CSMD1: variants seen among roughly 807,000 people sequenced by gnomAD.
CSMD1 encodes the protein CUB and sushi domain-containing protein 1.
A neutral mutation model predicts 417.5 loss-of-function variants in CSMD1; 213 were observed. The observed-to-expected ratio is 0.51, with a 90% CI of 0.46 to 0.57. CSMD1 has a LOEUF of 0.57. CSMD1 is among the 20% of genes least tolerant of loss of function. The pLI is 0.00. For missense variants in CSMD1, 6,923 were observed against 4,529.7 expected (o/e 1.53, Z -15.17); for synonymous variants, 2,862 against 1,736.8 (o/e 1.65, Z -16.11).
intron 1 of CSMD1, among the ~76,000 whole-genome samples, chr8:4,951,429 AAAAG>A (rs1004614773): frequency 7.6e-4 from 116 of 151,924 alleles, no homozygotes; most frequent in African/African-American, 2.6e-3. Flanking sequence ...AAAAAAAAGA[AAAAG>A]AAAGAAAGAG....
chr8:3,926,714 C>CT (rs56721822), intron 5 of CSMD1, among the ~76,000 whole-genome samples: 13,839 of 103,420 alleles, frequency 0.13, 3,152 homozygotes, highest in African/African-American at 0.46. Flanking sequence ...AAATTGACAC[C>CT]TTTTTTTTTT....
chr8:3,960,343 G>A (rs144652501), intron 5 of CSMD1, among the ~76,000 whole-genome samples: 3 of 152,036 alleles, frequency 2.0e-5, no homozygotes, highest in African/African-American at 7.2e-5. Flanking sequence ...AAATGTAATT[G>A]ACACCCTTTC....
At position 3,369,330 on chromosome 8, in the gene CSMD1, G is replaced by T. The variant is rs749989107; in HGVS notation, c.2823C>A (p.Val941=). The T allele has an allele frequency of 3.1e-6, 5 of 1,604,860 alleles. No homozygotes were observed. The South Asian group carries it at 4.4e-5, about 14-fold the overall frequency. ...AAAAATCTGGAAACCCAGGAGAAAG[G>T]ACTGTTCCACTCTTCCCTTGGATGT... ...GGYIQGKSGT[V]LSPGFPDFYP... is the part of the protein sequence containing the mutation. Residue 941 remains valine, a synonymous_variant, in exon 19 of 70, where the codon GTC becomes GTA. Transcript: ENST00000635120.
chr8:4,616,599 A>G (rs1362784260), intron 2 of CSMD1, among the ~76,000 whole-genome samples: 1 of 152,222 alleles, frequency 6.6e-6, no homozygotes, highest in Non-Finnish European at 1.5e-5. Flanking sequence ...AACACTATAG[A>G]ATAAGATACA....
chr8:4,108,902 A>C (rs910352317), intron 3 of CSMD1, among the ~76,000 whole-genome samples: 11 of 152,316 alleles, frequency 7.2e-5, no homozygotes, highest in Admixed American at 5.2e-4. Flanking sequence ...GCCAGAAATC[A>C]TTTAAAAAAC....
chr8:4,177,399 C>T (rs1798114097), intron 3 of CSMD1, among the ~76,000 whole-genome samples: 1 of 151,836 alleles, frequency 6.6e-6, no homozygotes, highest in African/African-American at 2.4e-5. Flanking sequence ...AAAGACACAA[C>T]ATACCAGAAT....
At chr8:4,523,295 C>G (rs1307078553) in intron 2 of CSMD1, among the ~76,000 whole-genome samples, 1 of 152,130 alleles carries the variant, frequency 6.6e-6, no homozygotes, top group Non-Finnish European at 1.5e-5. Flanking sequence ...TTTACGTTAT[C>G]TCTTTTGCAG....
At chr8:4,982,074 T>G (rs1431628282) in intron 1 of CSMD1, among the ~76,000 whole-genome samples, 1 of 152,134 alleles carries the variant, frequency 6.6e-6, no homozygotes, top group African/African-American at 2.4e-5. Context: ...ATCTTAGAAG[T>G]GGATTCTACC....
At chr8:4,215,462 C>T (rs981323441) in intron 3 of CSMD1, among the ~76,000 whole-genome samples, 3 of 150,896 alleles carry the variant, frequency 2.0e-5, no homozygotes, top group Admixed American at 6.6e-5. Context: ...ATATTTTACA[C>T]TGAGAAAAGA....
At chr8:4,745,577 T>G (rs1810898983) in intron 1 of CSMD1, among the ~76,000 whole-genome samples, 1 of 152,176 alleles carries the variant, frequency 6.6e-6, no homozygotes. Flanking sequence ...TAGCAGACAT[T>G]TCTTAGATGC....
At chr8:3,620,631 T>A (rs897710943) in intron 7 of CSMD1, among the ~76,000 whole-genome samples, 1 of 151,908 alleles carries the variant, frequency 6.6e-6, no homozygotes, top group African/African-American at 2.4e-5. Flanking sequence ...GTTATCTCCA[T>A]GGAAACCATA....
intron 3 of CSMD1, among the ~76,000 whole-genome samples, chr8:4,067,747 G>A (rs745895307): frequency 6.6e-6 from 1 of 152,042 alleles, no homozygotes; most frequent in Non-Finnish European, 1.5e-5. Context: ...GTTATTCTTT[G>A]GACAACTAAT....
intron 20 of CSMD1, among the ~76,000 whole-genome samples, chr8:3,364,697 C>T (rs1428027151): frequency 6.6e-6 from 1 of 152,150 alleles, no homozygotes; most frequent in East Asian, 1.9e-4. Flanking sequence ...GCGATTCTCC[C>T]CTTTCTGACC....
chr8:3,610,143 A>G (rs544015879), intron 8 of CSMD1, among the ~76,000 whole-genome samples: 2 of 152,246 alleles, frequency 1.3e-5, no homozygotes, highest in African/African-American at 4.8e-5. Context: ...CATTTCATCT[A>G]AGTGTCATAA....
chr8:3,485,385 T>A (rs1012620574), intron 11 of CSMD1, among the ~76,000 whole-genome samples: 2 of 152,060 alleles, frequency 1.3e-5, no homozygotes, highest in Admixed American at 6.6e-5. Flanking sequence ...GGGGTCAGCT[T>A]TAAGTGTAGA....
intron 18 of CSMD1, 87 bp downstream of exon 18, chr8:3,387,406 CT>C: frequency 8.7e-7 from 1 of 1,151,530 alleles, no homozygotes; most frequent in Non-Finnish European, 1.2e-6. Context: ...GTACCACCCC[CT>C]GAAATACACA....
chr8:4,225,840 C>G (rs547851813), intron 3 of CSMD1, among the ~76,000 whole-genome samples: 73 of 152,184 alleles, frequency 4.8e-4, no homozygotes, highest in African/African-American at 1.8e-3. Context: ...ACAATATGAT[C>G]AGCCTAAATG....
chr8:3,519,769 T>C (rs988131673), intron 10 of CSMD1, among the ~76,000 whole-genome samples: 2 of 152,116 alleles, frequency 1.3e-5, no homozygotes, highest in Non-Finnish European at 2.9e-5. Flanking sequence ...GTTGGCTGTA[T>C]GGAACACTTG....
At chr8:4,351,554 C>G (rs1454935591) in intron 3 of CSMD1, among the ~76,000 whole-genome samples, 1 of 152,136 alleles carries the variant, frequency 6.6e-6, no homozygotes, top group Non-Finnish European at 1.5e-5. Context: ...AGTGGCCGGT[C>G]AGTTTGGCTT....
Sources: gnomAD v4.1 joint callset for allele counts (sites outside exome capture counted in the v4.1 genomes callset) on GRCh38, gnomAD v4.1.1 for gene constraint, MANE v1.5 for transcripts, NCBI Gene and HGNC (gene_info 2026-07-23, HGNC 2026-07-21) for gene names.